The following TMEM179 variants were observed in gnomAD, a reference collection of about 807,000 sequenced individuals.
TMEM179 encodes transmembrane protein 179.
TMEM179 carries 17 observed loss-of-function variants against 22.2 expected under a neutral mutation model. The observed-to-expected ratio is 0.77, with a 90% CI of 0.52 to 1.15. The LOEUF (loss-of-function observed/expected upper bound fraction) is 1.15, where lower values mean the gene tolerates loss of function less well. Among genes scored for constraint, TMEM179 ranks in the 50% most tolerant of loss-of-function variants. The pLI, the probability that TMEM179 is intolerant of heterozygous loss-of-function variation, is 0.00. For missense variants in TMEM179, 265 were observed against 313.6 expected (o/e 0.84, Z 1.17); for synonymous variants, 127 against 140.5 (o/e 0.90, Z 0.68).
intron 3 of TMEM179, chr14:104,593,955 AG>A: frequency 1.0e-6 from 1 of 988,044 alleles, no homozygotes; most frequent in South Asian, 5.0e-5. Context: ...AGAGGCCCCG[AG>A]GAGGGGCAGT....
intron 3 of TMEM179, chr14:104,593,954 G>A (rs571115397): frequency 7.8e-5 from 77 of 986,736 alleles, no homozygotes; most frequent in South Asian, 4.5e-4. Context: ...CAGAGGCCCC[G>A]AGGAGGGGCA....
chr14:104,599,436 A>G (rs1008364636), intron 1 of TMEM179, among the ~76,000 whole-genome samples: 2 of 152,068 alleles, frequency 1.3e-5, no homozygotes, highest in Non-Finnish European at 2.9e-5. Flanking sequence ...TGGGGACAGC[A>G]CCACCTCCAC....
chr14:104,600,682 C>A (rs1410901341), intron 1 of TMEM179, among the ~76,000 whole-genome samples: 1 of 152,192 alleles, frequency 6.6e-6, no homozygotes, highest in Non-Finnish European at 1.5e-5. Flanking sequence ...CAAGATGACA[C>A]TCCTCTGCAA....
At chr14:104,602,077 C>T (rs1283116797) in intron 1 of TMEM179, among the ~76,000 whole-genome samples, 1 of 152,166 alleles carries the variant, frequency 6.6e-6, no homozygotes. Context: ...TGTTTTCTGC[C>T]TTTGGAAGGA....
intron 1 of TMEM179, among the ~76,000 whole-genome samples, chr14:104,598,568 G>A (rs1248285049): frequency 3.9e-5 from 6 of 152,258 alleles, no homozygotes; most frequent in Non-Finnish European, 7.3e-5. Flanking sequence ...GCACCTGCTC[G>A]CCCTGTGCTG....
chr14:104,593,362 C>A lies in TMEM179; in HGVS notation c.*117G>T. 2 of 1,287,144 alleles carry A rather than the reference C, an allele frequency of 1.6e-6. No individual in the cohort carries two copies. The highest frequency in any genetic ancestry group is 2.1e-6 in the Non-Finnish European group (2 of 930,384). The allele number at this position is 1,287,144 out of a possible 1,614,324, so 79.7% of individuals were successfully genotyped here. A position where few individuals can be genotyped will look rare whatever the true frequency, so the allele number is the denominator to read the frequency against. ...CTACACGTGGCGTCGAGGGGACACACGCAGGGCTGCATGTGGCCAGGGCCC... is the reference window on the plus strand; with the variant it reads ...CTACACGTGGCGTCGAGGGGACACAAGCAGGGCTGCATGTGGCCAGGGCCC... On this transcript the variant is annotated 3_prime_UTR_variant, in exon 4 of 4. Coordinates refer to ENST00000556573, the MANE Select transcript of TMEM179 (RefSeq NM_001286389.2).
At position 104,594,923 on chromosome 14, in the gene TMEM179, C is replaced by T. The variant is rs1052119248; in HGVS notation, c.522+242G>A. On this transcript the variant is annotated intron_variant, in intron 3 of 3. Transcript: ENST00000556573. Reference sequence around the variant, plus strand: ...CACCCCAGACCCCAGGGCCTTGCCACTTCCTGATTCTAACTCACTGTGGCC... The same window carrying T: ...CACCCCAGACCCCAGGGCCTTGCCATTTCCTGATTCTAACTCACTGTGGCC... 9 of 1,345,646 alleles carry T rather than the reference C, an allele frequency of 6.7e-6. No individual in the cohort carries two copies. In the South Asian group the frequency reaches 1.4e-4, roughly 22 times the overall value. 83.4% of individuals were successfully genotyped at this position (1,345,646 alleles called of 1,614,324 possible).
chr14:104,603,623 TG>T (rs1887317148), intron 1 of TMEM179, among the ~76,000 whole-genome samples: 1 of 106,692 alleles, frequency 9.4e-6, no homozygotes, highest in South Asian at 3.0e-4. Flanking sequence ...AGGTGGTAGA[TG>T]GGCTCACAGA....
chr14:104,602,090 T>C (rs1177307258), intron 1 of TMEM179, among the ~76,000 whole-genome samples: 1 of 152,166 alleles, frequency 6.6e-6, no homozygotes, highest in Non-Finnish European at 1.5e-5. Context: ...TGGAAGGAGA[T>C]GGTGCTGGCA....
rs1007848760 is a variant in TMEM179 at position 104,591,040 on chromosome 14, CCT to C, written c.*2437_*2438del. 8.0e-5 allele frequency: 19 copies of C among 236,316 alleles called. No homozygotes were observed. Among genetic ancestry groups the C allele is most frequent in the Admixed American group, 6.8e-4 (13 of 19,108 alleles). 14.6% of individuals were successfully genotyped at this position (236,316 alleles called of 1,614,324 possible). A position where few individuals can be genotyped will look rare whatever the true frequency, so the allele number is the denominator to read the frequency against. On this transcript the variant is annotated 3_prime_UTR_variant, in exon 4 of 4. Transcript: ENST00000556573. ...TCCTGCCTGGGGAGAGGCCCAATCC[CCT>C]GAGGGACCCTGGAGAGCCCACGACC...
Position 104,593,440 on chromosome 14 carries a change from C to T in TMEM179, c.*39G>A. On this transcript the variant is annotated 3_prime_UTR_variant, in exon 4 of 4. Transcript: ENST00000556573. ...GGCAGGCCCGTGCCCCCGAGCGCAG[C>T]AGGGAGGTCGGGGCCAGCTCCCCCT... 6.5e-7 allele frequency: 1 copy of T among 1,535,488 alleles called. No homozygotes were observed. The highest frequency in any genetic ancestry group is 8.7e-7 in the Non-Finnish European group (1 of 1,146,412).
Position 104,591,522 on chromosome 14 carries a change from C to G in TMEM179, c.*1957G>C, listed in dbSNP as rs1448105274. 4 of 401,438 alleles carry G rather than the reference C, an allele frequency of 1.0e-5. No homozygotes were observed. Among genetic ancestry groups the G allele is most frequent in the South Asian group, 5.5e-5 (3 of 54,722 alleles). The allele number at this position is 401,438 out of a possible 1,614,324, so 24.9% of individuals were successfully genotyped here. On this transcript the variant is annotated 3_prime_UTR_variant, in exon 4 of 4. Transcript: ENST00000556573. ...CTGTCCAAACCCCTTCCCTCGAGGA[C>G]CTGGCTGCCAGCTGGAAACTCAGCT...
Position 104,591,445 on chromosome 14 carries a change from CA to C in TMEM179, c.*2033del. 1 of 455,850 alleles carries C rather than the reference CA, an allele frequency of 2.2e-6. No homozygotes were observed. The highest frequency in any genetic ancestry group is 1.5e-5 in the South Asian group (1 of 64,538). The allele number at this position is 455,850 out of a possible 1,614,324, so 28.2% of individuals were successfully genotyped here. On this transcript the variant is annotated 3_prime_UTR_variant, in exon 4 of 4. Coordinates refer to ENST00000556573, the MANE Select transcript of TMEM179 (RefSeq NM_001286389.2). ...GAAAGAGTCCCCATGTCCAGTGGGT[CA>C]GGGCTGGAAGGGGAGACAGGGGACC...
At chr14:104,600,834 G>T (rs922534136) in intron 1 of TMEM179, among the ~76,000 whole-genome samples, 1 of 152,184 alleles carries the variant, frequency 6.6e-6, no homozygotes, top group Non-Finnish European at 1.5e-5. Context: ...CGTGCCATGT[G>T]CCCCTCAAAC....
intron 3 of TMEM179, among the ~76,000 whole-genome samples, chr14:104,593,875 T>C (rs1051173649): frequency 1.3e-5 from 2 of 152,236 alleles, no homozygotes; most frequent in Non-Finnish European, 2.9e-5. Context: ...CCAGCACCTG[T>C]GGCCCTCCCG....
intron 1 of TMEM179, among the ~76,000 whole-genome samples, chr14:104,598,858 CT>C (rs1291803388): frequency 2.6e-5 from 4 of 152,234 alleles, no homozygotes; most frequent in Non-Finnish European, 4.4e-5. Flanking sequence ...CACAGGGACA[CT>C]CTTAAAGCCA....
intron 2 of TMEM179, among the ~76,000 whole-genome samples, chr14:104,596,412 T>C (rs1268589298): frequency 2.0e-5 from 3 of 152,062 alleles, no homozygotes; most frequent in Non-Finnish European, 4.4e-5. Flanking sequence ...CCACCATGGC[T>C]CAAAGGCCTC....
rs1476880090 is a variant in TMEM179, at chr14:104,595,212, G to A, written c.475C>T (p.Leu159=). ...CEELQDIDLE[L]GVDNSAFYDQ... is the part of the protein sequence containing the mutation. ...TAGAAGGCGGAGTTGTCCACGCCCA[G>A]CTCCAAGTCGATGTCCTGGAGCTCT... Residue 159 remains leucine (L), a synonymous_variant, in exon 3 of 4, where the codon CTG becomes TTG. Transcript: ENST00000556573. This position sits in a 1 kb window ranked among gnomAD's most constrained non-coding sequence, Gnocchi z 5.7. 4 of 1,613,434 alleles carry A rather than the reference G, an allele frequency of 2.5e-6. No homozygotes were observed. The highest frequency in any genetic ancestry group is 2.7e-5 in the African/African-American group (2 of 74,918).
At chr14:104,601,130 TC>T (rs1484444195) in intron 1 of TMEM179, among the ~76,000 whole-genome samples, 1 of 152,184 alleles carries the variant, frequency 6.6e-6, no homozygotes, top group East Asian at 1.9e-4. Flanking sequence ...GCTCACCTAG[TC>T]TATGCAGCTG....
Sources: allele counts gnomAD v4.1 joint callset (sites outside exome capture counted in the v4.1 genomes callset), GRCh38; gene constraint gnomAD v4.1.1; non-coding constraint Gnocchi (gnomAD v3.1); transcripts MANE v1.5; gene names NCBI Gene and HGNC (gene_info 2026-07-23, HGNC 2026-07-21).